ETFBKMT: variants seen among roughly 807,000 people sequenced by gnomAD.
The protein encoded by ETFBKMT is electron transfer flavoprotein beta subunit lysine methyltransferase.
Under a neutral mutation model 18.3 loss-of-function variants are expected in ETFBKMT, and 13 were observed. The ratio of observed to expected loss-of-function variants is 0.71; its 90% CI spans 0.46 to 1.13. ETFBKMT has a LOEUF of 1.13. ETFBKMT is among the 50% of genes most tolerant of loss of function. The pLI is 0.00. For synonymous variants in ETFBKMT, 84 were observed against 107.9 expected, an observed-to-expected ratio of 0.78 and a Z score of 1.37; for missense variants, 293 against 306.2, an observed-to-expected ratio of 0.96 and a Z score of 0.32.
In ETFBKMT at chr12:31,662,008, C is replaced by T. The variant is rs368655571; in HGVS notation, c.55C>T (p.Gln19Ter). 1.2e-6 allele frequency: 2 copies of T among 1,614,250 alleles called. No individual in the cohort carries two copies. Among genetic ancestry groups the T allele is most frequent in the Middle Eastern group, 1.6e-4 (1 of 6,062 alleles). ...AHRNHCGLLL[Q>*]ALRSSGLLLF... ...CAGGAACCACTGTGGTCTCCTCTTG[C>T]AGGCTCTGCGAAGCAGTGGTCTTCT... The change falls in exon 2 of 4, where the codon CAG becomes TAG. Residue 19 changes from glutamine to a stop codon, truncating the protein, a stop_gained. Coordinates refer to ENST00000357721, the MANE Select transcript of ETFBKMT (RefSeq NM_001135863.2). LOFTEE classifies it high-confidence loss of function.
intron 1 of ETFBKMT, chr12:31,660,649 G>A (rs1951111048): frequency 6.6e-6 from 1 of 152,140 alleles, no homozygotes; most frequent in African/African-American, 2.4e-5. Flanking sequence ...AGAGATTTAG[G>A]AGTTGATGTT....
At chr12:31,665,821 C>T (rs1213547038) in intron 2 of ETFBKMT, among the ~76,000 whole-genome samples, 1 of 152,254 alleles carries the variant, frequency 6.6e-6, no homozygotes, top group Non-Finnish European at 1.5e-5. Flanking sequence ...CCTTAAGGCA[C>T]AGATCGCCCA....
intron 2 of ETFBKMT, among the ~76,000 whole-genome samples, 199 bp from the exon 3 acceptor site, chr12:31,665,888 A>G (rs1040604584): frequency 2.0e-5 from 3 of 152,248 alleles, no homozygotes; most frequent in African/African-American, 7.2e-5. Context: ...TGGGCAGGCC[A>G]GGTGTTCCTT....
At chr12:31,663,833 G>A (rs900609) in intron 2 of ETFBKMT, among the ~76,000 whole-genome samples, 35,481 of 149,054 alleles carry the variant, frequency 0.24, 4,391 homozygotes, top group Admixed American at 0.29. Context: ...TGCCTAAACC[G>A]CACTTTATTT....
intron 1 of ETFBKMT, among the ~76,000 whole-genome samples, chr12:31,651,631 C>G (rs577293263): frequency 2.6e-5 from 4 of 152,058 alleles, no homozygotes; most frequent in African/African-American, 9.7e-5. Context: ...CGCGCCCGGC[C>G]GATGCCTTCC....
chr12:31,672,399 A>G lies in ETFBKMT; in HGVS notation c.*4409A>G, dbSNP rs1455453715. 2 of 1,498,372 alleles carry G rather than the reference A, an allele frequency of 1.3e-6. No individual in the cohort carries two copies. Among genetic ancestry groups the G allele is most frequent in the Non-Finnish European group, 9.1e-7 (1 of 1,096,420 alleles). 92.8% of individuals were successfully genotyped at this position (1,498,372 alleles called of 1,614,324 possible). On this transcript the variant is annotated 3_prime_UTR_variant, in exon 4 of 4. Transcript: ENST00000357721. ...TGATCTATAAAAGAAAACAATGACA[A>G]TATATTAATTGACAATAAAAAATGT... is the stretch of plus-strand genomic sequence containing the variant.
Position 31,663,156 on chromosome 12 carries a change from G to A in ETFBKMT, c.314+889G>A, listed in dbSNP as rs567983300. 4.0e-5 allele frequency among the ~76,000 whole-genome samples: 6 copies of A among 150,528 alleles called. No individual in the cohort carries two copies. In the South Asian group the frequency reaches 1.3e-3, roughly 32 times the overall value. On this transcript the variant is annotated intron_variant, in intron 2 of 3. Coordinates refer to ENST00000357721, the MANE Select transcript of ETFBKMT (RefSeq NM_001135863.2). ...CACCCAGGCTGGAGTGCAGTGGTGTGATCTCGGCTCACTGCAAGCCCCGCC... is the reference window on the plus strand; with the variant it reads ...CACCCAGGCTGGAGTGCAGTGGTGTAATCTCGGCTCACTGCAAGCCCCGCC...
In ETFBKMT at chr12:31,670,938, G is replaced by C. The variant is rs926905527; in HGVS notation, c.*2948G>C. 2.0e-5 allele frequency: 3 copies of C among 152,098 alleles called. No homozygotes were observed. Among genetic ancestry groups the C allele is most frequent in the African/African-American group, 7.2e-5 (3 of 41,400 alleles). 9.4% of individuals were successfully genotyped at this position (152,098 alleles called of 1,614,324 possible). A position where few individuals can be genotyped will look rare whatever the true frequency, so the allele number is the denominator to read the frequency against. On this transcript the variant is annotated 3_prime_UTR_variant, in exon 4 of 4. Transcript: ENST00000357721. The stretch of plus-strand genomic sequence containing the variant: ...GGTAGTAAGGAGAAAAAGAAGTAAG[G>C]GTAATAGGGAATACTGGGTACTGGA...
chr12:31,654,327 G>A (rs1292877738), upstream of ETFBKMT, among the ~76,000 whole-genome samples: 5 of 152,224 alleles, frequency 3.3e-5, no homozygotes, highest in African/African-American at 7.2e-5. Context: ...TGGGATTACA[G>A]GCATGAGCCA....
At chr12:31,647,463 C>A (rs1412935160) in intron 1 of ETFBKMT, among the ~76,000 whole-genome samples, 4 of 152,190 alleles carry the variant, frequency 2.6e-5, no homozygotes, top group African/African-American at 9.7e-5. Context: ...AGTTACTGAA[C>A]CTTCCTGTGA....
intron 2 of ETFBKMT, 111 bp from the exon 3 acceptor site, chr12:31,665,976 T>G: frequency 3.6e-6 from 3 of 832,870 alleles, no homozygotes; most frequent in South Asian, 1.8e-5. Context: ...GCTGCAGAGA[T>G]TTTGTTTATA....
In ETFBKMT at chr12:31,672,261, G is replaced by A. The variant is rs1265591873; in HGVS notation, c.*4271G>A. 5 of 1,381,574 alleles carry A rather than the reference G, an allele frequency of 3.6e-6. No individual in the cohort carries two copies. The highest frequency in any genetic ancestry group is 3.0e-6 in the Non-Finnish European group (3 of 992,656). The allele number at this position is 1,381,574 out of a possible 1,614,324, so 85.6% of individuals were successfully genotyped here. On this transcript the variant is annotated 3_prime_UTR_variant, in exon 4 of 4. Transcript: ENST00000357721. ...CTATAGATGGTTTCCTGGGAAAGTA[G>A]TTTTGATAAGCTTTCCTAGCATTGA...
At chr12:31,652,024 T>C (rs1431201637) in intron 1 of ETFBKMT, among the ~76,000 whole-genome samples, 2 of 152,156 alleles carry the variant, frequency 1.3e-5, no homozygotes, top group Admixed American at 6.5e-5. Flanking sequence ...GCAGACAAGA[T>C]GGTGTTGATC....
At chr12:31,648,557 CTTTTTTTTT>C (rs764501978) in intron 1 of ETFBKMT, among the ~76,000 whole-genome samples, 2 of 82,988 alleles carry the variant, frequency 2.4e-5, no homozygotes, top group Admixed American at 3.2e-4. Context: ...AGATGGGTTT[CTTTTTTTTT>C]TTTTTTTTTT....
chr12:31,647,866 AC>A (rs1950981593), intron 1 of ETFBKMT, among the ~76,000 whole-genome samples: 1 of 152,142 alleles, frequency 6.6e-6, no homozygotes, highest in Admixed American at 6.6e-5. Context: ...CAAAAAAAAA[AC>A]AAGTGTTGAT....
rs1951288265 is a variant in ETFBKMT, at chr12:31,672,249, C to T, written c.*4259C>T. On this transcript the variant is annotated 3_prime_UTR_variant, in exon 4 of 4. Transcript: ENST00000357721. Reference sequence around the variant, plus strand: ...GAATGCAAATCTCTATAGATGGTTTCCTGGGAAAGTAGTTTTGATAAGCTT... The same window carrying T: ...GAATGCAAATCTCTATAGATGGTTTTCTGGGAAAGTAGTTTTGATAAGCTT... The T allele has an allele frequency of 8.3e-7, 1 of 1,210,620 alleles. No homozygotes were observed. Among genetic ancestry groups the T allele is most frequent in the Non-Finnish European group, 1.2e-6 (1 of 838,778 alleles). 75.0% of individuals were successfully genotyped at this position (1,210,620 alleles called of 1,614,324 possible). A position where few individuals can be genotyped will look rare whatever the true frequency, so the allele number is the denominator to read the frequency against.
intron 1 of ETFBKMT, chr12:31,661,058 C>T (rs1951116218): frequency 7.0e-6 from 1 of 141,980 alleles, no homozygotes; most frequent in Non-Finnish European, 1.6e-5. Context: ...AATAGTGTAA[C>T]AACTACTTAT....
At position 31,669,857 on chromosome 12, in the gene ETFBKMT, T is replaced by G. The variant is rs1951245116; in HGVS notation, c.*1867T>G. The G allele has an allele frequency of 6.6e-6, 1 of 151,672 alleles. No homozygotes were observed. The highest frequency in any genetic ancestry group is 2.1e-4 in the South Asian group (1 of 4,798). The allele number at this position is 151,672 out of a possible 1,614,324, so 9.4% of individuals were successfully genotyped here. A position where few individuals can be genotyped will look rare whatever the true frequency, so the allele number is the denominator to read the frequency against. ...TTTTTGAGGCAGAGTTTCACTCTTA[T>G]TGCCCAGGCTGGAGTGCAATGGCGT... On this transcript the variant is annotated 3_prime_UTR_variant, in exon 4 of 4. Transcript: ENST00000357721.
upstream of ETFBKMT, among the ~76,000 whole-genome samples, chr12:31,656,586 T>G (rs1951064033): frequency 6.6e-6 from 1 of 152,194 alleles, no homozygotes; most frequent in Non-Finnish European, 1.5e-5. Flanking sequence ...AGAGAAACCA[T>G]CTTGCCCTTA....
Sources: allele counts gnomAD v4.1 joint callset (sites outside exome capture counted in the v4.1 genomes callset), GRCh38; gene constraint gnomAD v4.1.1; transcripts MANE v1.5; gene names NCBI Gene and HGNC (gene_info 2026-07-23, HGNC 2026-07-21).